SPATA18: variants seen among roughly 807,000 people sequenced by gnomAD.
The protein encoded by SPATA18 is spermatogenesis associated 18.
Under a neutral mutation model 68.1 loss-of-function variants are expected in SPATA18, and 54 were observed. The ratio of observed to expected loss-of-function variants is 0.79; its 90% CI spans 0.64 to 0.99. The LOEUF is 0.99. Ranked by LOEUF, SPATA18 falls within the 50% of genes least tolerant of loss-of-function variation. The pLI is 0.00. For synonymous variants in SPATA18, 242 were observed against 244.8 expected, an observed-to-expected ratio of 0.99 and a Z score of 0.11; for missense variants, 724 against 681.1, an observed-to-expected ratio of 1.06 and a Z score of -0.70.
At position 52,072,171 on chromosome 4, in the gene SPATA18, C is replaced by A. The variant is rs749211157; in HGVS notation, c.758+15C>A. 1.9e-5 allele frequency: 31 copies of A among 1,612,380 alleles called. 1 individual carries two copies. The South Asian group carries it at 3.4e-4, about 18-fold the overall frequency. On this transcript the variant is annotated intron_variant, in intron 6 of 12. Transcript: ENST00000295213. Reference sequence around the variant, plus strand: ...CTCCAAGGAAGGTCAGACAAACTCTCAAAGATCTTCTCATTTAGGCTCTTT... The same window carrying A: ...CTCCAAGGAAGGTCAGACAAACTCTAAAAGATCTTCTCATTTAGGCTCTTT...
At chr4:52,077,163 G>A in intron 7 of SPATA18, 123 bp downstream of exon 7, 13 of 1,034,904 alleles carry the variant, frequency 1.3e-5, no homozygotes, top group Non-Finnish European at 1.5e-5. Flanking sequence ...GGAGATTCCA[G>A]TCTCCCCATC....
chr4:52,077,026 T>C lies in SPATA18; in HGVS notation c.1006T>C (p.Tyr336His). Residue 336 changes from tyrosine to histidine, a missense_variant, in exon 7 of 13, where the codon TAC becomes CAC. By Grantham distance (83) the Tyr-to-His change is moderately conservative. Transcript: ENST00000295213. ...DKAETVQRII[Y>H]IATVEAFHVA... ...GGCTGAGACCGTTCAGCGGATCATC[T>C]ACATCGCCACAGTGGTATGTGACGC... The C allele has an allele frequency of 6.2e-7, 1 of 1,605,374 alleles. No individual in the cohort carries two copies. Among genetic ancestry groups the C allele is most frequent in the Non-Finnish European group, 8.5e-7 (1 of 1,175,694 alleles).
chr4:52,071,425 C>T (rs372449578), intron 5 of SPATA18, among the ~76,000 whole-genome samples: 319 of 152,298 alleles, frequency 2.1e-3, no homozygotes, highest in Non-Finnish European at 4.1e-3. Flanking sequence ...GTAGTTTTCT[C>T]TCATATTCCA....
chr4:52,059,945 C>T (rs564124601), intron 1 of SPATA18, among the ~76,000 whole-genome samples: 2 of 152,224 alleles, frequency 1.3e-5, no homozygotes, highest in South Asian at 4.1e-4. Context: ...AGGATTATTG[C>T]TATAAAAAAC....
chr4:52,060,292 A>G lies in SPATA18; in HGVS notation c.88-127A>G, dbSNP rs1347765618. 9.0e-6 allele frequency: 6 copies of G among 668,934 alleles called. No individual in the cohort carries two copies. The East Asian group carries it at 1.4e-4, about 15-fold the overall frequency. 41.4% of individuals were successfully genotyped at this position (668,934 alleles called of 1,614,324 possible). On this transcript the variant is annotated intron_variant, in intron 1 of 12. Coordinates refer to ENST00000295213, the MANE Select transcript of SPATA18 (RefSeq NM_145263.4). ...AAGGGAGATAGGTTTTGGTGACTAC[A>G]CAGCAGTCCTGCCACAAAAGCATAC...
At chr4:52,079,980 C>A (rs1740781958) in intron 9 of SPATA18, 61 bp downstream of exon 9, 2 of 1,536,850 alleles carry the variant, frequency 1.3e-6, no homozygotes, top group Non-Finnish European at 1.8e-6. Context: ...TTGTCTGTTT[C>A]CTGAAAACAA....
chr4:52,061,512 A>AATAATAATAATAATC, intron 3 of SPATA18, among the ~76,000 whole-genome samples: 1 of 150,130 alleles, frequency 6.7e-6, no homozygotes, highest in Non-Finnish European at 1.5e-5. Flanking sequence ...TAATAATAAT[A>AATAATAATAATAATC]ATAATAATAA....
chr4:52,087,137 G>T (rs886578828), intron 11 of SPATA18, among the ~76,000 whole-genome samples: 4 of 152,010 alleles, frequency 2.6e-5, no homozygotes, highest in Non-Finnish European at 5.9e-5. Flanking sequence ...TTGTAAATTT[G>T]TTTAAGTTCT....
chr4:52,069,704 A>G (rs1739627197), intron 4 of SPATA18, 117 bp from the exon 5 acceptor site: 1 of 530,206 alleles, frequency 1.9e-6, no homozygotes, highest in African/African-American at 2.0e-5. Flanking sequence ...TTTTAATTTG[A>G]TCTTGTTTAT....
chr4:52,086,145 C>G (rs1560609201), intron 11 of SPATA18, among the ~76,000 whole-genome samples: 1 of 152,174 alleles, frequency 6.6e-6, no homozygotes, highest in Non-Finnish European at 1.5e-5. Flanking sequence ...CAACCCTACA[C>G]ACTTTTCTGA....
chr4:52,082,221 T>C (rs558962679), intron 9 of SPATA18, among the ~76,000 whole-genome samples, 166 bp from the exon 10 acceptor site: 12 of 152,330 alleles, frequency 7.9e-5, no homozygotes, highest in African/African-American at 2.9e-4. Context: ...CCAGTTATCA[T>C]TAGTTCCTAT....
chr4:52,069,590 T>G (rs1296041469), intron 4 of SPATA18, among the ~76,000 whole-genome samples: 1 of 152,172 alleles, frequency 6.6e-6, no homozygotes, highest in Non-Finnish European at 1.5e-5. Flanking sequence ...GGGTAGTAGC[T>G]CTATAATTTC....
At chr4:52,074,000 G>GGCCAGTATTT (rs1181572693) in intron 6 of SPATA18, among the ~76,000 whole-genome samples, 2 of 152,186 alleles carry the variant, frequency 1.3e-5, no homozygotes, top group African/African-American at 4.8e-5. Context: ...TATTTGCTAA[G>GGCCAGTATTT]GCCAGTATTT....
chr4:52,094,898 C>T lies in SPATA18; in HGVS notation c.*11C>T, dbSNP rs565865899. ...TCCCTAGGATTTTAAAAGCACCAGA[C>T]CTGCTCCTTTGACCCAGTGCGTGGA... is the stretch of plus-strand genomic sequence containing the variant. On this transcript the variant is annotated 3_prime_UTR_variant, in exon 13 of 13. Coordinates refer to ENST00000295213, the MANE Select transcript of SPATA18 (RefSeq NM_145263.4). 17 of 1,614,042 alleles carry T rather than the reference C, an allele frequency of 1.1e-5. No individual in the cohort carries two copies. The African/African-American group carries it at 1.7e-4, about 16-fold the overall frequency.
At chr4:52,071,580 G>A (rs1403690533) in intron 5 of SPATA18, among the ~76,000 whole-genome samples, 1 of 152,168 alleles carries the variant, frequency 6.6e-6, no homozygotes, top group Non-Finnish European at 1.5e-5. Context: ...AGCTTTTGGA[G>A]GTCAAATAAG....
At chr4:52,084,497 A>G (rs949843550) in intron 10 of SPATA18, among the ~76,000 whole-genome samples, 7 of 152,170 alleles carry the variant, frequency 4.6e-5, no homozygotes, top group African/African-American at 1.7e-4. Flanking sequence ...TCATCCAATG[A>G]TATTTATTTA....
intron 1 of SPATA18, among the ~76,000 whole-genome samples, chr4:52,052,198 T>G (rs1737950296): frequency 6.6e-6 from 1 of 151,080 alleles, no homozygotes; most frequent in African/African-American, 2.4e-5. Flanking sequence ...CCCGAATTAT[T>G]TTTTACTACA....
At chr4:52,082,314 A>G in intron 9 of SPATA18, 73 bp from the exon 10 acceptor site, 1 of 1,375,812 alleles carries the variant, frequency 7.3e-7, no homozygotes. Context: ...ATGAGAATTC[A>G]CACTGATGTT....
rs1283846174 is a variant in SPATA18, at chr4:52,078,794, G to T, written c.1080G>T (p.Ser360=). The part of the protein sequence containing the change: ...FRHFKIHVRK[S]LTPSYVGSND... ...ACTTCAAGATCCATGTGAGAAAATC[G>T]TTGACACCATCTTATGTGGGGTCGA... Residue 360 remains serine (S), a synonymous_variant, in exon 8 of 13, where the codon TCG becomes TCT. Coordinates refer to ENST00000295213, the MANE Select transcript of SPATA18 (RefSeq NM_145263.4). The T allele has an allele frequency of 1.2e-6, 2 of 1,607,098 alleles. No homozygotes were observed. The highest frequency in any genetic ancestry group is 1.7e-5 in the Admixed American group (1 of 59,946).
Sources: allele counts gnomAD v4.1 joint callset (sites outside exome capture counted in the v4.1 genomes callset), GRCh38; gene constraint gnomAD v4.1.1; transcripts MANE v1.5; gene names NCBI Gene and HGNC (gene_info 2026-07-23, HGNC 2026-07-21).